NLGN1: variants seen among roughly 807,000 people sequenced by gnomAD.
NLGN1 encodes neuroligin 1.
In NLGN1, 12 loss-of-function variants were observed where a neutral mutation model predicts 65.5. The observed-to-expected ratio is 0.18, with a 90% CI of 0.12 to 0.30. The LOEUF is 0.30. NLGN1 is among the 10% of genes least tolerant of loss of function. NLGN1 has a pLI of 1.00. For synonymous variants in NLGN1, 350 were observed against 359.5 expected, an observed-to-expected ratio of 0.97 and a Z score of 0.30; for missense variants, 750 against 1,007.1, an observed-to-expected ratio of 0.74 and a Z score of 3.46.
rs1195381946 is a variant in NLGN1 at position 173,913,849 on chromosome 3, AAGAT to A, written c.646+106021_646+106024del. Among the ~76,000 whole-genome samples the A allele has an allele frequency of 2.0e-5, 3 of 152,330 alleles. No homozygotes were observed. The South Asian group carries it at 6.2e-4, about 32-fold the overall frequency. ...TAAAGCAGAAAAACATACACTAAAA[AAGAT>A]AGAAAATATAGACTGAAAATCCATC... On this transcript the variant is annotated intron_variant, in intron 4 of 6. Coordinates refer to ENST00000457714, the Ensembl canonical transcript of NLGN1.
intron 4 of NLGN1, among the ~76,000 whole-genome samples, chr3:174,074,942 C>T (rs2152539672): frequency 6.6e-6 from 1 of 152,268 alleles, no homozygotes; most frequent in Middle Eastern, 3.4e-3. Flanking sequence ...ATATAACAGA[C>T]ACACTTAATT....
At chr3:173,828,719 C>T (rs866041144) in intron 4 of NLGN1, among the ~76,000 whole-genome samples, 5 of 152,030 alleles carry the variant, frequency 3.3e-5, no homozygotes, top group African/African-American at 7.2e-5. Context: ...TGAGTAAAGA[C>T]GTGATTGATG....
chr3:173,632,073 G>A (rs1207410429), intron 3 of NLGN1, among the ~76,000 whole-genome samples: 7 of 152,138 alleles, frequency 4.6e-5, no homozygotes, highest in East Asian at 1.9e-4. Flanking sequence ...TTCAATCTTC[G>A]TGAGTTGCTG....
chr3:173,954,571 A>G (rs1390849855), intron 4 of NLGN1, among the ~76,000 whole-genome samples: 4 of 152,024 alleles, frequency 2.6e-5, no homozygotes, highest in Non-Finnish European at 5.9e-5. Context: ...TCACTTCTTG[A>G]GTTGCTTCTT....
intron 4 of NLGN1, among the ~76,000 whole-genome samples, chr3:174,086,334 T>C (rs1743387186): frequency 6.7e-6 from 1 of 148,696 alleles, no homozygotes; most frequent in South Asian, 2.1e-4. Flanking sequence ...TATTTATGTA[T>C]GTGCATATGA....
intron 4 of NLGN1, among the ~76,000 whole-genome samples, chr3:173,968,052 T>TGG (rs1715269232): frequency 3.3e-5 from 5 of 152,178 alleles, no homozygotes; most frequent in African/African-American, 1.2e-4. Context: ...TTTTGAACTT[T>TGG]ATCTCTGAAA....
intron 3 of NLGN1, among the ~76,000 whole-genome samples, chr3:173,763,682 C>A (rs988810712): frequency 1.3e-5 from 2 of 151,842 alleles, no homozygotes; most frequent in African/African-American, 4.8e-5. Context: ...CTCCAGCAAA[C>A]TCCTGTTTTC....
chr3:173,832,573 T>G (rs1039987871), intron 4 of NLGN1, among the ~76,000 whole-genome samples: 4 of 152,202 alleles, frequency 2.6e-5, no homozygotes, highest in Non-Finnish European at 5.9e-5. Context: ...TTATCTTCCT[T>G]TAAAGAACAA....
intron 4 of NLGN1, among the ~76,000 whole-genome samples, chr3:174,228,420 T>A (rs6775853): frequency 0.047 from 7,113 of 152,166 alleles, 539 homozygotes; most frequent in African/African-American, 0.16. Context: ...TCATTTTTCT[T>A]CATCCCCAAA....
chr3:174,053,420 A>G (rs927385195), intron 4 of NLGN1, among the ~76,000 whole-genome samples: 20 of 152,030 alleles, frequency 1.3e-4, no homozygotes, highest in African/African-American at 4.6e-4. Context: ...CAAATGTACC[A>G]TTTGAAATGG....
chr3:173,701,431 G>C (rs541550931), intron 3 of NLGN1, among the ~76,000 whole-genome samples: 1 of 152,078 alleles, frequency 6.6e-6, no homozygotes, highest in Non-Finnish European at 1.5e-5. Flanking sequence ...ACAAGCCAAG[G>C]CATGTAAGCA....
At chr3:173,747,801 CTTTTTTT>C (rs749749824) in intron 3 of NLGN1, among the ~76,000 whole-genome samples, 16 of 64,420 alleles carry the variant, frequency 2.5e-4, no homozygotes, top group African/African-American at 7.5e-4. Context: ...TCTTCTTGTT[CTTTTTTT>C]TTTTTTTTTT....
At chr3:173,926,265 A>G (rs975545935) in intron 4 of NLGN1, among the ~76,000 whole-genome samples, 3 of 152,218 alleles carry the variant, frequency 2.0e-5, no homozygotes, top group Non-Finnish European at 4.4e-5. Flanking sequence ...TAAAAGAACT[A>G]TCTCTATTCT....
intron 4 of NLGN1, among the ~76,000 whole-genome samples, chr3:173,953,489 G>T (rs1748615510): frequency 6.6e-6 from 1 of 152,094 alleles, no homozygotes. Flanking sequence ...CTGATTAATG[G>T]TAGACAGTCC....
rs1491354524 is a variant in NLGN1, at chr3:174,146,091, CTT to C, written c.647-129221_647-129220del. Among the ~76,000 whole-genome samples, 154 of 137,950 alleles carry C rather than the reference CTT, an allele frequency of 1.1e-3. 2 individuals are homozygous for C. The East Asian group carries it at 0.042, about 37-fold the overall frequency. 90.5% of individuals were successfully genotyped at this position (137,950 alleles called of 152,430 possible). A position where few individuals can be genotyped will look rare whatever the true frequency, so the allele number is the denominator to read the frequency against. Reference sequence around the variant, plus strand: ...ATATAACCTATTAATCTATTCTACTCTTTTCCTTCCTTCCTTCCTTCCTTCCT... The same window carrying C: ...ATATAACCTATTAATCTATTCTACTCTTCCTTCCTTCCTTCCTTCCTTCCT... On this transcript the variant is annotated intron_variant, in intron 4 of 6. Coordinates refer to ENST00000457714, the Ensembl canonical transcript of NLGN1.
intron 4 of NLGN1, among the ~76,000 whole-genome samples, chr3:174,049,158 A>G (rs116174070): frequency 0.025 from 3,838 of 152,214 alleles, 67 homozygotes; most frequent in Non-Finnish European, 0.037. Context: ...ACAAAGGCTT[A>G]GACATAGGAA....
At chr3:173,545,951 G>A (rs929719592) in intron 2 of NLGN1, among the ~76,000 whole-genome samples, 9 of 152,022 alleles carry the variant, frequency 5.9e-5, no homozygotes, top group Admixed American at 5.9e-4. Context: ...TCAGGGGGTG[G>A]GGGGCTAGGG....
intron 3 of NLGN1, among the ~76,000 whole-genome samples, chr3:173,740,046 A>G (rs1774400218): frequency 6.6e-6 from 1 of 152,160 alleles, no homozygotes; most frequent in Non-Finnish European, 1.5e-5. Flanking sequence ...GAAAGAGTAT[A>G]GGGGAGAGGA....
chr3:174,274,812 T>G (rs1407800114), intron 4 of NLGN1, among the ~76,000 whole-genome samples: 3 of 151,274 alleles, frequency 2.0e-5, no homozygotes, highest in African/African-American at 7.3e-5. Flanking sequence ...TTCATGGAGT[T>G]TACAAAATCT....
Sources: gnomAD v4.1 joint callset for allele counts (sites outside exome capture counted in the v4.1 genomes callset) on GRCh38, gnomAD v4.1.1 for gene constraint, MANE v1.5 for transcripts, NCBI Gene and HGNC (gene_info 2026-07-23, HGNC 2026-07-21) for gene names.